Variants in AGBL1 observed in about 807,000 individuals in gnomAD.
The protein encoded by AGBL1 is AGBL carboxypeptidase 1.
A neutral mutation model predicts 118.9 loss-of-function variants in AGBL1; 130 were observed. The observed-to-expected ratio is 1.09, with a 90% CI of 0.95 to 1.26. The LOEUF is 1.26. Ranked by LOEUF, AGBL1 falls within the 50% of genes most tolerant of loss-of-function variation. AGBL1 has a pLI of 0.00. For synonymous variants in AGBL1, 555 were observed against 478.9 expected, an observed-to-expected ratio of 1.16 and a Z score of -2.08; for missense variants, 1,584 against 1,298.1, an observed-to-expected ratio of 1.22 and a Z score of -3.38.
At chr15:86,258,959 C>A (rs1465616661) in intron 9 of AGBL1, among the ~76,000 whole-genome samples, 1 of 152,218 alleles carries the variant, frequency 6.6e-6, no homozygotes, top group Non-Finnish European at 1.5e-5. Flanking sequence ...CCCGCCTCAG[C>A]CTCCCAAAGT....
rs1408027877 is a variant in AGBL1, at chr15:86,445,953, ATC to A, written c.2555+48409_2555+48410del. Reference sequence around the variant, plus strand: ...TAAATGACACAATATGTCAAAGAACATCTGTTATCCATCATGTCGGCTTCCTC... The same window carrying A: ...TAAATGACACAATATGTCAAAGAACATGTTATCCATCATGTCGGCTTCCTC... On this transcript the variant is annotated intron_variant, in intron 18 of 22. Coordinates refer to ENST00000614907, the MANE Select transcript of AGBL1 (RefSeq NM_001386094.1). 4.6e-5 allele frequency among the ~76,000 whole-genome samples: 7 copies of A among 152,326 alleles called. No individual in the cohort carries two copies. The East Asian group carries it at 1.4e-3, about 29-fold the overall frequency.
intron 22 of AGBL1, among the ~76,000 whole-genome samples, chr15:86,696,465 T>C (rs2086262039): frequency 1.3e-5 from 2 of 151,994 alleles, no homozygotes; most frequent in South Asian, 4.2e-4. Flanking sequence ...CTTAAGTCTA[T>C]ATGAGTCCTT....
At chr15:86,127,620 G>A (rs150305581) in intron 1 of AGBL1, among the ~76,000 whole-genome samples, 15 of 152,294 alleles carry the variant, frequency 9.8e-5, no homozygotes, top group South Asian at 2.1e-4. Context: ...CTATTATGGC[G>A]GAGCCAAGCT....
chr15:86,868,814 GA>G (rs2079677079), intron 22 of AGBL1, among the ~76,000 whole-genome samples: 1 of 152,080 alleles, frequency 6.6e-6, no homozygotes, highest in Non-Finnish European at 1.5e-5. Context: ...GAAATTAATG[GA>G]ATTGTGACAT....
At chr15:86,539,710 TCTCA>T (rs750468812) in intron 19 of AGBL1, among the ~76,000 whole-genome samples, 11 of 152,206 alleles carry the variant, frequency 7.2e-5, no homozygotes, top group Non-Finnish European at 1.5e-4. Context: ...CTTGGATAGC[TCTCA>T]CTCAGTAAGG....
intron 24 of AGBL1, among the ~76,000 whole-genome samples, chr15:87,018,663 CA>C (rs1804738018): frequency 6.6e-6 from 1 of 152,038 alleles, no homozygotes; most frequent in Non-Finnish European, 1.5e-5. Context: ...TTTACAAAAG[CA>C]CACTGAAGTA....
intron 18 of AGBL1, among the ~76,000 whole-genome samples, chr15:86,493,194 G>GAAAC (rs372942265): frequency 3.1e-4 from 47 of 151,748 alleles, no homozygotes; most frequent in East Asian, 1.6e-3. Context: ...CTCTGCCTCA[G>GAAAC]AAACAAACAA....
intron 23 of AGBL1, among the ~76,000 whole-genome samples, chr15:86,963,441 C>T (rs937015711): frequency 2.0e-5 from 3 of 151,772 alleles, no homozygotes; most frequent in South Asian, 2.1e-4. Flanking sequence ...GTGCTGTCCT[C>T]AGATCAGTTA....
intron 18 of AGBL1, among the ~76,000 whole-genome samples, chr15:86,429,828 C>T (rs1194445174): frequency 1.3e-5 from 2 of 152,152 alleles, no homozygotes; most frequent in East Asian, 3.9e-4. Context: ...TTAAAAGGAA[C>T]CCAAGGGAAA....
At chr15:86,958,896 A>G (rs1054099290) in intron 23 of AGBL1, among the ~76,000 whole-genome samples, 1 of 152,168 alleles carries the variant, frequency 6.6e-6, no homozygotes, top group Non-Finnish European at 1.5e-5. Flanking sequence ...AATAAGCCTC[A>G]AAAATATAAT....
chr15:86,820,624 C>A lies in AGBL1; in HGVS notation c.3159-86463C>A, dbSNP rs534837408. Among the ~76,000 whole-genome samples, 17 of 152,252 alleles carry A rather than the reference C, an allele frequency of 1.1e-4. No individual in the cohort carries two copies. In the South Asian group the frequency reaches 3.5e-3, roughly 32 times the overall value. ...ATTAGAGAAATGTAAATCAAAACCA[C>A]AGTGAAATACCATCTCATGCCAGTT... On this transcript the variant is annotated intron_variant, in intron 22 of 22. Coordinates refer to ENST00000614907, the MANE Select transcript of AGBL1 (RefSeq NM_001386094.1).
At chr15:86,256,802 AG>A in intron 7 of AGBL1, 50 bp from the exon 8 acceptor site, 1 of 1,593,728 alleles carries the variant, frequency 6.3e-7, no homozygotes, top group Non-Finnish European at 8.6e-7. Context: ...TGTTACAGCT[AG>A]GGGACTGTGC....
At chr15:86,403,275 G>A (rs541462535) in intron 18 of AGBL1, among the ~76,000 whole-genome samples, 22 of 152,086 alleles carry the variant, frequency 1.4e-4, no homozygotes, top group Non-Finnish European at 3.1e-4. Flanking sequence ...TTATTTACAG[G>A]AGAACCAGGG....
chr15:86,812,353 G>A (rs1284643170), intron 22 of AGBL1, among the ~76,000 whole-genome samples: 3 of 152,104 alleles, frequency 2.0e-5, no homozygotes, highest in Non-Finnish European at 4.4e-5. Flanking sequence ...TACTTTAGAA[G>A]AATTTACAAA....
At chr15:86,542,543 T>G (rs2083518890) in intron 19 of AGBL1, among the ~76,000 whole-genome samples, 1 of 152,024 alleles carries the variant, frequency 6.6e-6, no homozygotes, top group South Asian at 2.1e-4. Context: ...ATTTTTTGTA[T>G]TTTTAGTAGA....
chr15:86,687,914 C>A (rs1223620451), intron 22 of AGBL1, among the ~76,000 whole-genome samples: 1 of 152,108 alleles, frequency 6.6e-6, no homozygotes, highest in Non-Finnish European at 1.5e-5. Context: ...ATTTGTAAAT[C>A]ATATCCCAGG....
intron 22 of AGBL1, among the ~76,000 whole-genome samples, chr15:86,705,113 T>C (rs538894447): frequency 6.6e-6 from 1 of 152,144 alleles, no homozygotes; most frequent in East Asian, 1.9e-4. Context: ...GAGGGAAACG[T>C]CACACACTGG....
intron 24 of AGBL1, among the ~76,000 whole-genome samples, chr15:86,992,464 G>C (rs1374406504): frequency 6.6e-6 from 1 of 152,126 alleles, no homozygotes; most frequent in African/African-American, 2.4e-5. Flanking sequence ...CACATACTTT[G>C]ATCTATTGCA....
intron 19 of AGBL1, among the ~76,000 whole-genome samples, chr15:86,538,337 A>T (rs890260741): frequency 1.3e-5 from 2 of 152,238 alleles, no homozygotes; most frequent in Non-Finnish European, 2.9e-5. Flanking sequence ...GCATGTGCCT[A>T]ATGTGGTTAA....
Sources: allele counts gnomAD v4.1 joint callset (sites outside exome capture counted in the v4.1 genomes callset), GRCh38; gene constraint gnomAD v4.1.1; transcripts MANE v1.5; gene names NCBI Gene and HGNC (gene_info 2026-07-23, HGNC 2026-07-21).